WARS1: variants seen among roughly 807,000 people sequenced by gnomAD.
The protein encoded by WARS1 is tryptophanyl-tRNA synthetase 1, also known as tryptophan--tRNA ligase, cytoplasmic.
In WARS1, 17 loss-of-function variants were observed where a neutral mutation model predicts 47.8. The ratio of observed to expected loss-of-function variants is 0.36; its 90% CI spans 0.24 to 0.53. The LOEUF is 0.53. WARS1 is among the 20% of genes least tolerant of loss of function. WARS1 has a pLI of 0.91. For synonymous variants in WARS1, 208 were observed against 228.1 expected (o/e 0.91, Z 0.79); for missense variants, 434 against 608.0 (o/e 0.71, Z 3.01).
intron 4 of WARS1, among the ~76,000 whole-genome samples, chr14:100,357,060 C>A (rs1179603386): frequency 6.6e-6 from 1 of 152,204 alleles, no homozygotes; most frequent in Non-Finnish European, 1.5e-5. Flanking sequence ...CCAAAACCCA[C>A]ATGATCATCT....
intron 4 of WARS1, 35 bp downstream of exon 4, chr14:100,360,519 A>T: frequency 6.6e-7 from 1 of 1,522,060 alleles, no homozygotes; most frequent in Non-Finnish European, 9.0e-7. Flanking sequence ...AAAGAAGAGG[A>T]CAGGTGAGAA....
At chr14:100,345,156 C>G (rs1894506995) in intron 7 of WARS1, among the ~76,000 whole-genome samples, 1 of 150,658 alleles carries the variant, frequency 6.6e-6, no homozygotes, top group Non-Finnish European at 1.5e-5. Flanking sequence ...CGGCCACCAC[C>G]CCGTCTGGGA....
chr14:100,365,496 C>T (rs1278484504), intron 2 of WARS1: 3 of 268,334 alleles, frequency 1.1e-5, no homozygotes, highest in Non-Finnish European at 2.3e-5. Context: ...AGGAGAATCG[C>T]TCGAACTCAG....
chr14:100,344,293 C>G (rs898967317), intron 7 of WARS1, among the ~76,000 whole-genome samples: 1 of 152,180 alleles, frequency 6.6e-6, no homozygotes, highest in African/African-American at 2.4e-5. Flanking sequence ...CTGTGTTGGC[C>G]GGGCTGGTCT....
intron 4 of WARS1, among the ~76,000 whole-genome samples, chr14:100,355,004 G>GT (rs1390285435): frequency 6.6e-6 from 1 of 152,164 alleles, no homozygotes; most frequent in Non-Finnish European, 1.5e-5. Context: ...AGCAGGGAAA[G>GT]TAAGAATTGT....
In WARS1 at chr14:100,360,450, ACTTTT is replaced by A; in HGVS notation, c.422+99_422+103del. On this transcript the variant is annotated intron_variant, in intron 4 of 10. Coordinates refer to ENST00000392882, the MANE Select transcript of WARS1 (RefSeq NM_004184.4). The stretch of plus-strand genomic sequence containing the variant: ...CTCAGTCTTACCACAGCTGGCCATC[ACTTTT>A]CCCACAGTACCAGGTGGCTTATGAA... 3.7e-6 allele frequency: 3 copies of A among 805,420 alleles called. No individual in the cohort carries two copies. The Admixed American group carries it at 7.2e-5, about 19-fold the overall frequency. 49.9% of individuals were successfully genotyped at this position (805,420 alleles called of 1,614,324 possible).
At chr14:100,358,224 C>T (rs2140026265) in intron 4 of WARS1, among the ~76,000 whole-genome samples, 1 of 152,218 alleles carries the variant, frequency 6.6e-6, no homozygotes, top group South Asian at 2.1e-4. Flanking sequence ...GCTCCGCCTC[C>T]CGGGTTCATG....
intron 4 of WARS1, among the ~76,000 whole-genome samples, chr14:100,360,086 G>A (rs867072151): frequency 4.6e-5 from 7 of 152,244 alleles, no homozygotes; most frequent in East Asian, 1.9e-4. Flanking sequence ...TGGAATTTAC[G>A]GCCTAAGGTA....
Position 100,373,603 on chromosome 14 carries a change from C to A in WARS1, c.-74+1680G>T, listed in dbSNP as rs1207778385. On this transcript the variant is annotated intron_variant, in intron 1 of 10. Coordinates refer to ENST00000392882, the MANE Select transcript of WARS1 (RefSeq NM_004184.4). The surrounding 1 kb of genome is among the most constrained non-coding windows in gnomAD (Gnocchi z 4.4). ...CCTGAGTGATCCCAGGACAGCCAAT[C>A]TCCCACTGCAATAGAATAGATAACT... 1.3e-5 allele frequency among the ~76,000 whole-genome samples: 2 copies of A among 152,228 alleles called. No individual in the cohort carries two copies. Among genetic ancestry groups the A allele is most frequent in the Non-Finnish European group, 2.9e-5 (2 of 68,046 alleles).
At chr14:100,349,862 C>T (rs1003154702) in intron 6 of WARS1, among the ~76,000 whole-genome samples, 3 of 152,236 alleles carry the variant, frequency 2.0e-5, no homozygotes, top group Non-Finnish European at 4.4e-5. Context: ...AGCTCCTAAA[C>T]ACCAGGAAGG....
At chr14:100,343,642 CCT>C (rs1491417909) in intron 7 of WARS1, among the ~76,000 whole-genome samples, 4 of 151,678 alleles carry the variant, frequency 2.6e-5, no homozygotes, top group African/African-American at 9.7e-5. Context: ...TTTTTCTTTT[CCT>C]TTTTTTTTTC....
At chr14:100,348,334 C>T (rs547663119) in intron 6 of WARS1, among the ~76,000 whole-genome samples, 48 of 152,192 alleles carry the variant, frequency 3.2e-4, no homozygotes, top group African/African-American at 1.1e-3. Flanking sequence ...GCTGGGAGGC[C>T]TGTAACGGTC....
chr14:100,348,281 G>C (rs1309600418), intron 6 of WARS1, among the ~76,000 whole-genome samples: 1 of 152,234 alleles, frequency 6.6e-6, no homozygotes, highest in East Asian at 1.9e-4. Flanking sequence ...TGGGGTGTCA[G>C]GAGTGCAGGA....
chr14:100,374,463 A>G (rs1595471709), intron 1 of WARS1, among the ~76,000 whole-genome samples: 1 of 152,346 alleles, frequency 6.6e-6, no homozygotes. Context: ...GCTCATTCTG[A>G]AAGTTTCCAC....
rs1166111787 is a variant in WARS1 at position 100,334,643 on chromosome 14, G to C, written c.*232C>G. Reference sequence around the variant, plus strand: ...GACTCACAGCTGGACTTCTCTATCCGACCATGCAATGTTAGCCAGCACCAA... The same window carrying C: ...GACTCACAGCTGGACTTCTCTATCCCACCATGCAATGTTAGCCAGCACCAA... On this transcript the variant is annotated 3_prime_UTR_variant, in exon 11 of 11. Coordinates refer to ENST00000392882, the MANE Select transcript of WARS1 (RefSeq NM_004184.4). The C allele has an allele frequency of 4.6e-6, 2 of 431,034 alleles. No individual in the cohort carries two copies. The highest frequency in any genetic ancestry group is 8.2e-6 in the Non-Finnish European group (2 of 243,082). 26.7% of individuals were successfully genotyped at this position (431,034 alleles called of 1,614,324 possible). A position where few individuals can be genotyped will look rare whatever the true frequency, so the allele number is the denominator to read the frequency against.
intron 2 of WARS1, among the ~76,000 whole-genome samples, chr14:100,362,758 G>A (rs1319270192): frequency 6.6e-6 from 1 of 152,168 alleles, no homozygotes; most frequent in African/African-American, 2.4e-5. Context: ...TGCTTACCAA[G>A]GGAAATACAA....
At position 100,361,728 on chromosome 14, in the gene WARS1, A is replaced by G; in HGVS notation, c.293T>C (p.Ile98Thr). The change falls in exon 3 of 11, where the codon ATA (isoleucine) becomes ACA (threonine). Residue 98 changes from isoleucine to threonine, a missense_variant. By Grantham distance (89) the Ile-to-Thr change is moderately conservative (BLOSUM62 -1). Around this residue, in one of 2 missense-constraint regions of WARS1, gnomAD observed 347 missense variants for 523.8 expected, o/e 0.66. Coordinates refer to ENST00000392882, the MANE Select transcript of WARS1 (RefSeq NM_004184.4). Reference sequence around the variant, plus strand: ...CGTACCAATGAGCTTATCGTAGTCTATGCCTTTTGCACTGCTTGTCTGTAC... The same window carrying G: ...CGTACCAATGAGCTTATCGTAGTCTGTGCCTTTTGCACTGCTTGTCTGTAC... ...WTVQTSSAKG[I>T]DYDKLIVRFG... 6.2e-7 allele frequency: 1 copy of G among 1,614,126 alleles called. No individual in the cohort carries two copies. The highest frequency in any genetic ancestry group is 8.5e-7 in the Non-Finnish European group (1 of 1,180,032).
At chr14:100,376,302 G>T, upstream of WARS1, 1 of 1,047,228 alleles carries the variant, frequency 9.5e-7, no homozygotes, top group Non-Finnish European at 1.2e-6. Flanking sequence ...TCAGCAACCG[G>T]CTGTCTCCTG....
At chr14:100,376,163 C>T (rs1896646958), upstream of WARS1, 1 of 207,670 alleles carries the variant, frequency 4.8e-6, no homozygotes, top group Non-Finnish European at 9.4e-6. Context: ...TAAGGATACT[C>T]CCGGGAGGGC....
Sources: allele counts gnomAD v4.1 joint callset (sites outside exome capture counted in the v4.1 genomes callset), GRCh38; gene constraint gnomAD v4.1.1; regional missense constraint gnomAD v4.1.1; non-coding constraint Gnocchi (gnomAD v3.1); transcripts MANE v1.5; gene names NCBI Gene and HGNC (gene_info 2026-07-23, HGNC 2026-07-21).